Variants in CRHR1 observed in about 807,000 individuals in gnomAD.
The protein encoded by CRHR1 is corticotropin-releasing hormone receptor 1.
A neutral mutation model predicts 56.0 loss-of-function variants in CRHR1; 28 were observed. The ratio of observed to expected loss-of-function variants is 0.50; its 90% CI spans 0.37 to 0.69. The LOEUF (loss-of-function observed/expected upper bound fraction) is 0.69. Among genes scored for constraint, CRHR1 ranks in the 30% least tolerant of loss-of-function variants. The pLI, the probability that CRHR1 is intolerant of heterozygous loss-of-function variation, is 0.00. For missense variants in CRHR1, 376 were observed against 548.0 expected (o/e 0.69, Z 3.13); for synonymous variants, 195 against 216.5 (o/e 0.90, Z 0.87).
intron 3 of CRHR1, among the ~76,000 whole-genome samples, chr17:45,820,199 C>T (rs774129432): frequency 2.6e-5 from 4 of 152,228 alleles, no homozygotes; most frequent in Admixed American, 2.6e-4. Flanking sequence ...AGGTGAGATA[C>T]TCAGGGCTTC....
At chr17:45,806,162 G>A (rs1293971884) in intron 1 of CRHR1, among the ~76,000 whole-genome samples, 2 of 152,210 alleles carry the variant, frequency 1.3e-5, no homozygotes, top group Non-Finnish European at 2.9e-5. Context: ...TGTCGGGAGG[G>A]GGGTAATGCG....
At chr17:45,823,666 T>C (rs2062094995) in intron 4 of CRHR1, among the ~76,000 whole-genome samples, 1 of 152,180 alleles carries the variant, frequency 6.6e-6, no homozygotes, top group Non-Finnish European at 1.5e-5. Context: ...CAGGCTCTGC[T>C]TTGCCCACTG....
At chr17:45,829,180 A>C in intron 4 of CRHR1, 35 bp from the exon 5 acceptor site, 7 of 1,550,676 alleles carry the variant, frequency 4.5e-6, no homozygotes, top group Non-Finnish European at 5.3e-6. Flanking sequence ...CCCATCCAGC[A>C]GAAGGCTCAC....
chr17:45,809,183 GGAA>G (rs2061773304), intron 2 of CRHR1, among the ~76,000 whole-genome samples: 1 of 152,218 alleles, frequency 6.6e-6, no homozygotes, highest in East Asian at 1.9e-4. Context: ...GGAAGGACCA[GGAA>G]GAAGTGAGGA....
At chr17:45,792,955 T>C (rs2061452870) in intron 1 of CRHR1, among the ~76,000 whole-genome samples, 1 of 152,204 alleles carries the variant, frequency 6.6e-6, no homozygotes, top group Admixed American at 6.5e-5. Flanking sequence ...AAAACCTCTG[T>C]GTGCCCAGAA....
chr17:45,801,659 G>C (rs1026563027), intron 1 of CRHR1, among the ~76,000 whole-genome samples: 1 of 152,110 alleles, frequency 6.6e-6, no homozygotes, highest in African/African-American at 2.4e-5. Context: ...CTTCAGTGCC[G>C]TTTTGATTTT....
intron 1 of CRHR1, among the ~76,000 whole-genome samples, chr17:45,802,745 A>G (rs141345969): frequency 3.6e-3 from 548 of 152,348 alleles, no homozygotes; most frequent in Non-Finnish European, 5.0e-3. Context: ...AGAGGGACAC[A>G]AGTGTCAGGG....
At chr17:45,820,299 A>G (rs2062014095) in intron 3 of CRHR1, among the ~76,000 whole-genome samples, 1 of 152,188 alleles carries the variant, frequency 6.6e-6, no homozygotes, top group Admixed American at 6.5e-5. Flanking sequence ...AGCCGGGTAC[A>G]GGGTGGGGTG....
At chr17:45,834,091 G>A in intron 12 of CRHR1, 43 bp downstream of exon 12, 4 of 1,604,618 alleles carry the variant, frequency 2.5e-6, no homozygotes, top group African/African-American at 1.3e-5. Flanking sequence ...GGGCTGTGAG[G>A]CCTGTTGGGA....
At chr17:45,832,840 C>A (rs2062344556) in intron 8 of CRHR1, among the ~76,000 whole-genome samples, 1 of 152,250 alleles carries the variant, frequency 6.6e-6, no homozygotes, top group African/African-American at 2.4e-5. Context: ...GAGGATGCAG[C>A]CTCGTGTTGG....
chr17:45,797,562 G>A (rs568270119), intron 1 of CRHR1, among the ~76,000 whole-genome samples: 1 of 152,204 alleles, frequency 6.6e-6, no homozygotes, highest in African/African-American at 2.4e-5. Context: ...ACAGGCATGA[G>A]CCACCACGCC....
chr17:45,799,817 G>A (rs1266689935), intron 1 of CRHR1: 1 of 152,338 alleles, frequency 6.6e-6, no homozygotes, highest in East Asian at 1.9e-4. Context: ...GGATGATGAG[G>A]GTGACAAGCT....
In CRHR1 at chr17:45,784,326, C is replaced by T; in HGVS notation, c.-219C>T. 3.6e-6 allele frequency: 1 copy of T among 279,918 alleles called. No homozygotes were observed. The highest frequency in any genetic ancestry group is 6.3e-5 in the East Asian group (1 of 15,778). 17.3% of individuals were successfully genotyped at this position (279,918 alleles called of 1,614,324 possible). On this transcript the variant is annotated 5_prime_UTR_variant, in exon 1 of 13. The change creates a new upstream start codon in the 5' untranslated region. Transcript: ENST00000314537. This position sits in a 1 kb window ranked among gnomAD's most constrained non-coding sequence, Gnocchi z 4.2. ...CCGCGGGCCGGGCTGCGTCGGGAAACGGCGGCCAGACTTCCCCGGGAAGGG... is the reference window on the plus strand; with the variant it reads ...CCGCGGGCCGGGCTGCGTCGGGAAATGGCGGCCAGACTTCCCCGGGAAGGG...
intron 1 of CRHR1, among the ~76,000 whole-genome samples, 153 bp from the exon 2 acceptor site, chr17:45,806,857 G>A (rs2061729374): frequency 6.6e-6 from 1 of 152,164 alleles, no homozygotes; most frequent in Admixed American, 6.5e-5. Flanking sequence ...GGAGATGAGG[G>A]GCGGGTGTCT....
At chr17:45,802,028 G>GT (rs1422432934) in intron 1 of CRHR1, among the ~76,000 whole-genome samples, 1 of 149,256 alleles carries the variant, frequency 6.7e-6, no homozygotes, top group Non-Finnish European at 1.5e-5. Flanking sequence ...TGTTTGTTTT[G>GT]TTTTTTGTTG....
intron 2 of CRHR1, among the ~76,000 whole-genome samples, chr17:45,810,628 C>T (rs2061804500): frequency 6.6e-6 from 1 of 152,134 alleles, no homozygotes; most frequent in Non-Finnish European, 1.5e-5. Context: ...TTTTCCGTAC[C>T]CACACTAGGT....
At chr17:45,820,646 A>G (rs2062020448) in intron 3 of CRHR1, among the ~76,000 whole-genome samples, 1 of 152,076 alleles carries the variant, frequency 6.6e-6, no homozygotes, top group African/African-American at 2.4e-5. Context: ...GAGTGATGAC[A>G]TCTCCCCACA....
intron 10 of CRHR1, 21 bp from the exon 11 acceptor site, chr17:45,833,693 T>TCGGGG: frequency 6.4e-7 from 1 of 1,571,616 alleles, no homozygotes; most frequent in Non-Finnish European, 8.7e-7. Context: ...ACTCCGAGCC[T>TCGGGG]CCCCACCCGC....
At chr17:45,811,761 T>A (rs1328030165) in intron 2 of CRHR1, among the ~76,000 whole-genome samples, 1 of 152,212 alleles carries the variant, frequency 6.6e-6, no homozygotes, top group Non-Finnish European at 1.5e-5. Context: ...TAAATGGTAG[T>A]ACTTTAGAAG....
Sources: allele counts gnomAD v4.1 joint callset (sites outside exome capture counted in the v4.1 genomes callset), GRCh38; gene constraint gnomAD v4.1.1; non-coding constraint Gnocchi (gnomAD v3.1); transcripts MANE v1.5; gene names NCBI Gene and HGNC (gene_info 2026-07-23, HGNC 2026-07-21).